Variants in OR2C1 observed in about 807,000 individuals in gnomAD.
OR2C1 encodes the protein olfactory receptor 2C1.
For missense variants in OR2C1, 468 were observed against 388.3 expected, an observed-to-expected ratio of 1.21 and a Z score of -1.73; for synonymous variants, 209 against 167.3, an observed-to-expected ratio of 1.25 and a Z score of -1.92.
chr16:3,344,440 T>G, the OR2C1 span, among the ~76,000 whole-genome samples: 2 of 151,830 alleles, frequency 1.3e-5, no homozygotes, highest in African/African-American at 4.8e-5. Flanking sequence ...CATTAGAAAA[T>G]TTGATGGCCG....
upstream of OR2C1, among the ~76,000 whole-genome samples, chr16:3,353,977 T>G (rs1035594599): frequency 3.9e-5 from 5 of 127,824 alleles, no homozygotes; most frequent in East Asian, 4.0e-4. Flanking sequence ...GTTTTTCTTT[T>G]CTTTTCTTTT....
At chr16:3,351,697 C>A (rs183057363), upstream of OR2C1, among the ~76,000 whole-genome samples, 89 of 152,196 alleles carry the variant, frequency 5.8e-4, no homozygotes, top group African/African-American at 2.1e-3. Context: ...AAGCTTACTC[C>A]CCAGCCCTTA....
chr16:3,323,743 C>T, the OR2C1 span: 2 of 686,932 alleles, frequency 2.9e-6, no homozygotes, highest in Non-Finnish European at 2.6e-6. Context: ...CACATTTCTG[C>T]CACCAGGAAT....
upstream of OR2C1, among the ~76,000 whole-genome samples, chr16:3,353,114 T>A (rs988037618): frequency 1.3e-5 from 2 of 151,652 alleles, no homozygotes; most frequent in Non-Finnish European, 1.5e-5. Context: ...GTAGAATGGG[T>A]TTCAGGAAGA....
At chr16:3,342,644 C>T in the OR2C1 span, among the ~76,000 whole-genome samples, 19 of 152,228 alleles carry the variant, frequency 1.2e-4, no homozygotes, top group East Asian at 3.5e-3. Flanking sequence ...CTTTGAGAGG[C>T]TGAGGTGGGT....
the OR2C1 span, among the ~76,000 whole-genome samples, chr16:3,335,520 C>CTTTTTTTTTTTTGTTTTTTTTTT: frequency 1.8e-5 from 1 of 55,410 alleles, no homozygotes; most frequent in Non-Finnish European, 3.1e-5. Context: ...AATGCTACTG[C>CTTTTTTTTTTTTGTTTTTTTTTT]TTTTTTTTTT....
At chr16:3,353,426 G>A (rs138310915), upstream of OR2C1, among the ~76,000 whole-genome samples, 6,557 of 148,816 alleles carry the variant, frequency 0.044, 188 homozygotes, top group Middle Eastern at 0.064. Flanking sequence ...AGGAGGTGGA[G>A]GTTGCAGTGA....
chr16:3,353,484 C>T (rs189095313), upstream of OR2C1, among the ~76,000 whole-genome samples: 3,203 of 86,120 alleles, frequency 0.037, 54 homozygotes, highest in Non-Finnish European at 0.053. Flanking sequence ...AGCGAGACTC[C>T]GTCTCAAAAA....
At chr16:3,335,154 A>G in the OR2C1 span, among the ~76,000 whole-genome samples, 1 of 152,104 alleles carries the variant, frequency 6.6e-6, no homozygotes, top group South Asian at 2.1e-4. Flanking sequence ...TACTTTTACT[A>G]TTAGTGGTCT....
the OR2C1 span, among the ~76,000 whole-genome samples, chr16:3,325,217 A>G: frequency 6.6e-6 from 1 of 151,932 alleles, no homozygotes; most frequent in South Asian, 2.1e-4. Flanking sequence ...CCTGGCCTCA[A>G]CCGATTAGCC....
At chr16:3,355,798 AT>A (rs2030656391), upstream of OR2C1, 1 of 636,250 alleles carries the variant, frequency 1.6e-6, no homozygotes, top group South Asian at 2.0e-5. Flanking sequence ...CAAACAAAAA[AT>A]AGGTTGTTAC....
At chr16:3,329,231 G>A in the OR2C1 span, among the ~76,000 whole-genome samples, 1 of 138,704 alleles carries the variant, frequency 7.2e-6, no homozygotes. Context: ...CTATGGAGCG[G>A]GAAGAAGAAA....
rs570170848 is a variant in OR2C1, at chr16:3,356,943, T to C, written c.*64T>C. 1,044 of 1,341,962 alleles carry C rather than the reference T, an allele frequency of 7.8e-4. 1 individual carries two copies. The highest frequency in any genetic ancestry group is 9.9e-4 in the Non-Finnish European group (982 of 992,950). 83.1% of individuals were successfully genotyped at this position (1,341,962 alleles called of 1,614,324 possible). On this transcript the variant is annotated 3_prime_UTR_variant, in exon 1 of 1. Coordinates refer to ENST00000304936, the MANE Select transcript of OR2C1 (RefSeq NM_012368.3). ...ACATGCGTTTCTCATTAACTCTCTC[T>C]GGCCAGGTGAACATGAGGAATACTA...
the OR2C1 span, among the ~76,000 whole-genome samples, chr16:3,348,107 C>T: frequency 6.6e-6 from 1 of 152,134 alleles, no homozygotes; most frequent in Non-Finnish European, 1.5e-5. Flanking sequence ...TTAAAACATG[C>T]ACAGACACAA....
upstream of OR2C1, among the ~76,000 whole-genome samples, chr16:3,354,280 C>T (rs1032700734): frequency 1.8e-4 from 28 of 152,242 alleles, no homozygotes; most frequent in African/African-American, 6.5e-4. Context: ...CCACTGTACC[C>T]GGTCTCATGA....
At chr16:3,336,680 T>TTC in the OR2C1 span, among the ~76,000 whole-genome samples, 2 of 139,914 alleles carry the variant, frequency 1.4e-5, no homozygotes, top group Non-Finnish European at 3.0e-5. Flanking sequence ...TTTTCTTTTT[T>TTC]TTTTTTTCTA....
the OR2C1 span, among the ~76,000 whole-genome samples, chr16:3,330,604 C>A: frequency 6.6e-6 from 1 of 151,986 alleles, no homozygotes; most frequent in South Asian, 2.1e-4. Context: ...TTTATTGATA[C>A]ATAATATATG....
chr16:3,325,663 C>G, the OR2C1 span, among the ~76,000 whole-genome samples: 4 of 150,902 alleles, frequency 2.7e-5, no homozygotes, highest in African/African-American at 9.7e-5. Flanking sequence ...TAAGGTATGC[C>G]TGTATATTAA....
chr16:3,345,846 C>CCCTA, the OR2C1 span, among the ~76,000 whole-genome samples: 164 of 135,506 alleles, frequency 1.2e-3, no homozygotes, highest in African/African-American at 3.4e-3. Context: ...CTTCCTTCCT[C>CCCTA]CCTCCCTCCC....
Sources: allele counts gnomAD v4.1 joint callset (sites outside exome capture counted in the v4.1 genomes callset), GRCh38; gene constraint gnomAD v4.1.1; transcripts MANE v1.5; gene names NCBI Gene and HGNC (gene_info 2026-07-23, HGNC 2026-07-21).